Variants in COTL1 observed in about 807,000 individuals in gnomAD.
COTL1 encodes the protein coactosin-like protein.
Under a neutral mutation model 16.5 loss-of-function variants are expected in COTL1, and 15 were observed. That is an observed-to-expected ratio of 0.91 (90% CI 0.61 to 1.40). The LOEUF is 1.40. COTL1 is among the 40% of genes most tolerant of loss of function. The probability of loss-of-function intolerance (pLI) is 0.00; values close to 1 mark genes in which losing one functional copy is unlikely to be tolerated. For missense variants in COTL1, 220 were observed against 201.5 expected, an observed-to-expected ratio of 1.09 and a Z score of -0.56; for synonymous variants, 112 against 85.3, an observed-to-expected ratio of 1.31 and a Z score of -1.73.
At chr16:84,611,979 G>C (rs1209492887) in intron 2 of COTL1, among the ~76,000 whole-genome samples, 2 of 152,076 alleles carry the variant, frequency 1.3e-5, no homozygotes, top group African/African-American at 4.8e-5. Flanking sequence ...GCTCCCAGTG[G>C]CTCTGTCAGG....
intron 3 of COTL1, among the ~76,000 whole-genome samples, chr16:84,587,689 G>A (rs949928373): frequency 3.9e-5 from 6 of 152,112 alleles, no homozygotes; most frequent in Non-Finnish European, 7.4e-5. Flanking sequence ...GGCAGGAGGC[G>A]AGCCCGTCCA....
chr16:84,612,868 T>C (rs1339830372), intron 2 of COTL1, among the ~76,000 whole-genome samples: 1 of 152,142 alleles, frequency 6.6e-6, no homozygotes, highest in Non-Finnish European at 1.5e-5. Flanking sequence ...GAGGTAGGCA[T>C]GTCAGGATTC....
At chr16:84,615,490 T>C (rs1905450537) in intron 2 of COTL1, among the ~76,000 whole-genome samples, 1 of 151,996 alleles carries the variant, frequency 6.6e-6, no homozygotes, top group African/African-American at 2.4e-5. Context: ...GAGAGAACAG[T>C]AGCTTCAGAG....
At position 84,590,201 on chromosome 16, in the gene COTL1, G is replaced by A; in HGVS notation, c.222C>T (p.Ser74=). ...CGATCCACGTGATGAGGGCAAACTT[G>A]GACCTCTTGCTCATGGCATCCCCGG... ...FTTGDAMSKR[S]KFALITWIGE... The change falls in exon 3 of 4, where the codon TCC becomes TCT. Residue 74 remains serine (S), a synonymous_variant. Transcript: ENST00000262428. The surrounding 1 kb of genome is among the most constrained non-coding windows in gnomAD (Gnocchi z 5.5). 1 of 1,614,198 alleles carries A rather than the reference G, an allele frequency of 6.2e-7. No homozygotes were observed. The highest frequency in any genetic ancestry group is 1.1e-5 in the South Asian group (1 of 91,082).
At chr16:84,578,014 A>G (rs1044630411) in intron 3 of COTL1, among the ~76,000 whole-genome samples, 1 of 152,162 alleles carries the variant, frequency 6.6e-6, no homozygotes, top group Non-Finnish European at 1.5e-5. Flanking sequence ...TAGACCAGGC[A>G]TGGAAAGCAA....
chr16:84,568,737 C>A (rs1259785187), intron 3 of COTL1: 1 of 152,156 alleles, frequency 6.6e-6, no homozygotes, highest in Non-Finnish European at 1.5e-5. Flanking sequence ...TGAAAAAGTA[C>A]ACTTAGGATG....
chr16:84,597,457 C>T (rs901284730), intron 2 of COTL1, among the ~76,000 whole-genome samples: 1 of 152,178 alleles, frequency 6.6e-6, no homozygotes, highest in African/African-American at 2.4e-5. Context: ...AAGTGTGGTC[C>T]TCGGACCAGC....
At chr16:84,578,396 G>A (rs1253931249) in intron 3 of COTL1, among the ~76,000 whole-genome samples, 3 of 152,112 alleles carry the variant, frequency 2.0e-5, no homozygotes, top group East Asian at 1.9e-4. Context: ...TACTATCTAC[G>A]TAACACTTCA....
chr16:84,601,476 G>A (rs552699492), intron 2 of COTL1, among the ~76,000 whole-genome samples: 7 of 152,152 alleles, frequency 4.6e-5, no homozygotes, highest in East Asian at 1.9e-4. Context: ...TTATCCCCCC[G>A]AGACGGAGTC....
At chr16:84,578,620 AACAC>A (rs1387431639) in intron 3 of COTL1, among the ~76,000 whole-genome samples, 1 of 147,804 alleles carries the variant, frequency 6.8e-6, no homozygotes, top group African/African-American at 2.5e-5. Context: ...TGCACACACC[AACAC>A]ACACACACGC....
chr16:84,602,161 A>G lies in COTL1; in HGVS notation c.161-11899T>C, dbSNP rs1443376921. 4.0e-5 allele frequency among the ~76,000 whole-genome samples: 6 copies of G among 150,132 alleles called. No homozygotes were observed. The East Asian group carries it at 1.2e-3, about 30-fold the overall frequency. On this transcript the variant is annotated intron_variant, in intron 2 of 3. Coordinates refer to ENST00000262428, the MANE Select transcript of COTL1 (RefSeq NM_021149.5). ...CTACATGGCATCTTTGACTTCTCAG[A>G]GGCTTTTCAGTTCCAAATTTGCAGC...
intron 3 of COTL1, among the ~76,000 whole-genome samples, chr16:84,587,387 G>C (rs763254920): frequency 1.3e-5 from 2 of 152,146 alleles, no homozygotes; most frequent in Non-Finnish European, 2.9e-5. Context: ...CACCTCCCGA[G>C]ATTGTTTTCT....
intron 2 of COTL1, among the ~76,000 whole-genome samples, chr16:84,615,087 G>A (rs1905437093): frequency 1.3e-5 from 2 of 152,254 alleles, no homozygotes; most frequent in Non-Finnish European, 2.9e-5. Flanking sequence ...CAGTGCCAGT[G>A]TTGAGTCCAT....
intron 2 of COTL1, among the ~76,000 whole-genome samples, chr16:84,593,768 G>A (rs1015225450): frequency 6.6e-5 from 10 of 152,134 alleles, no homozygotes; most frequent in Admixed American, 5.9e-4. Context: ...CAAAGTGCTG[G>A]GATTACAAGC....
At chr16:84,593,494 C>CAT (rs5818501) in intron 2 of COTL1, among the ~76,000 whole-genome samples, 151,093 of 151,758 alleles carry the variant, frequency 1, 75,219 homozygotes, top group Middle Eastern at 1. Flanking sequence ...AGTCACATAA[C>CAT]AAAATTCACC....
chr16:84,591,178 T>A (rs994814645), intron 2 of COTL1, among the ~76,000 whole-genome samples: 1 of 143,516 alleles, frequency 7.0e-6, no homozygotes, highest in African/African-American at 2.7e-5. Flanking sequence ...CATTTGATAT[T>A]CTGGAATTTT....
At chr16:84,592,647 C>T (rs1285798158) in intron 2 of COTL1, among the ~76,000 whole-genome samples, 1 of 151,166 alleles carries the variant, frequency 6.6e-6, no homozygotes, top group East Asian at 1.9e-4. Flanking sequence ...AATCTAAGTA[C>T]GTCCCTGCAG....
intron 2 of COTL1, among the ~76,000 whole-genome samples, chr16:84,593,703 G>C (rs902526915): frequency 5.3e-5 from 8 of 152,134 alleles, no homozygotes; most frequent in Non-Finnish European, 1.0e-4. Context: ...AGTAGAGACG[G>C]GGTTTCACCG....
chr16:84,577,824 G>A (rs1248193784), intron 3 of COTL1, among the ~76,000 whole-genome samples: 2 of 152,182 alleles, frequency 1.3e-5, no homozygotes. Context: ...CGCTGTGAGT[G>A]TTTTGGCCAA....
Sources: allele counts gnomAD v4.1 joint callset (sites outside exome capture counted in the v4.1 genomes callset), GRCh38; gene constraint gnomAD v4.1.1; non-coding constraint Gnocchi (gnomAD v3.1); transcripts MANE v1.5; gene names NCBI Gene and HGNC (gene_info 2026-07-23, HGNC 2026-07-21).